Variants in SSBP2 observed in about 807,000 individuals in gnomAD.
The protein encoded by SSBP2 is single-stranded DNA-binding protein 2.
A neutral mutation model predicts 61.8 loss-of-function variants in SSBP2; 17 were observed. The observed-to-expected ratio is 0.28, with a 90% CI of 0.19 to 0.41. The LOEUF is 0.41. Among genes scored for constraint, SSBP2 ranks in the 10% least tolerant of loss-of-function variants. The probability of loss-of-function intolerance (pLI) is 1.00; values close to 1 mark genes in which losing one functional copy is unlikely to be tolerated. For missense variants in SSBP2, 310 were observed against 458.7 expected, an observed-to-expected ratio of 0.68 and a Z score of 2.96; for synonymous variants, 139 against 141.3, an observed-to-expected ratio of 0.98 and a Z score of 0.12.
intron 1 of SSBP2, among the ~76,000 whole-genome samples, chr5:81,650,932 T>C (rs1749673689): frequency 6.6e-6 from 1 of 152,116 alleles, no homozygotes; most frequent in Non-Finnish European, 1.5e-5. Flanking sequence ...TTTAAAGATA[T>C]CAGATCATAT....
intron 4 of SSBP2, among the ~76,000 whole-genome samples, chr5:81,590,651 G>A (rs2153514405): frequency 6.6e-6 from 1 of 152,362 alleles, no homozygotes; most frequent in South Asian, 2.1e-4. Flanking sequence ...AAGAAAAACT[G>A]TTGGACAACA....
At chr5:81,592,060 G>T (rs952210685) in intron 4 of SSBP2, among the ~76,000 whole-genome samples, 2 of 152,244 alleles carry the variant, frequency 1.3e-5, no homozygotes, top group Admixed American at 6.5e-5. Context: ...GGAAGCGCAA[G>T]GGGTCAGGGA....
At chr5:81,497,080 T>A (rs1427718010) in intron 5 of SSBP2, among the ~76,000 whole-genome samples, 2 of 152,198 alleles carry the variant, frequency 1.3e-5, no homozygotes, top group Non-Finnish European at 2.9e-5. Flanking sequence ...TGCTCTTGAT[T>A]CACCAGACTA....
chr5:81,674,244 CAAG>C (rs931198843), intron 1 of SSBP2, among the ~76,000 whole-genome samples: 5 of 152,054 alleles, frequency 3.3e-5, no homozygotes, highest in Admixed American at 2.6e-4. Flanking sequence ...AGTAAAGGAC[CAAG>C]AAGTGGCAAG....
intron 4 of SSBP2, among the ~76,000 whole-genome samples, chr5:81,568,304 T>G (rs928672936): frequency 5.9e-5 from 9 of 152,192 alleles, no homozygotes; most frequent in Non-Finnish European, 1.2e-4. Flanking sequence ...CCTCAAGAGA[T>G]CTGATGGTTT....
intron 5 of SSBP2, 85 bp from the exon 6 acceptor site, chr5:81,489,394 T>C (rs1766687678): frequency 8.7e-7 from 1 of 1,150,664 alleles, no homozygotes; most frequent in Non-Finnish European, 1.2e-6. Flanking sequence ...CTTAAAAAAT[T>C]TTAGAATTAA....
intron 1 of SSBP2, among the ~76,000 whole-genome samples, chr5:81,718,347 A>G (rs1581412815): frequency 6.6e-6 from 1 of 152,062 alleles, no homozygotes; most frequent in Admixed American, 6.6e-5. Context: ...GCAAAGAAAA[A>G]CCCATTCGAA....
chr5:81,625,472 T>G (rs1363620508), intron 3 of SSBP2, among the ~76,000 whole-genome samples: 1 of 152,146 alleles, frequency 6.6e-6, no homozygotes, highest in Non-Finnish European at 1.5e-5. Flanking sequence ...TCATCATGAA[T>G]AATACTTTAG....
chr5:81,459,560 C>T (rs1764399490), intron 10 of SSBP2, among the ~76,000 whole-genome samples: 1 of 152,188 alleles, frequency 6.6e-6, no homozygotes, highest in Non-Finnish European at 1.5e-5. Flanking sequence ...TAAGGTGAGC[C>T]ATTGGTTGTG....
At chr5:81,551,165 T>A (rs1448401536) in intron 4 of SSBP2, among the ~76,000 whole-genome samples, 2 of 148,702 alleles carry the variant, frequency 1.3e-5, no homozygotes, top group African/African-American at 5.0e-5. Flanking sequence ...TAACTAGGAA[T>A]CAATTGCTTT....
At chr5:81,718,035 T>A (rs1755286159) in intron 1 of SSBP2, among the ~76,000 whole-genome samples, 2 of 152,186 alleles carry the variant, frequency 1.3e-5, no homozygotes, top group Non-Finnish European at 2.9e-5. Context: ...TGTACCGCCC[T>A]TAGGATGCTA....
At chr5:81,480,970 T>G (rs1765940463) in intron 6 of SSBP2, among the ~76,000 whole-genome samples, 2 of 152,232 alleles carry the variant, frequency 1.3e-5, no homozygotes, top group South Asian at 4.1e-4. Flanking sequence ...CCATTTTTGT[T>G]GCTCATCCAT....
Position 81,415,941 on chromosome 5 carries a change from G to GATC in SSBP2, c.*4560_*4562dup, listed in dbSNP as rs1408362112. On this transcript the variant is annotated 3_prime_UTR_variant, in exon 17 of 17. Coordinates refer to ENST00000320672, the MANE Select transcript of SSBP2 (RefSeq NM_012446.5). ...AAAAAAAAAAAAAAGAGGAAAACCT[G>GATC]ATCAAGCATAGTGGCTCATGCCTGT... 3.3e-4 allele frequency: 31 copies of GATC among 95,108 alleles called. No individual in the cohort carries two copies. The highest frequency in any genetic ancestry group is 2.1e-3 in the African/African-American group (31 of 14,948). 5.9% of individuals were successfully genotyped at this position (95,108 alleles called of 1,614,324 possible).
At chr5:81,568,559 G>C (rs1232417404) in intron 4 of SSBP2, among the ~76,000 whole-genome samples, 1 of 152,154 alleles carries the variant, frequency 6.6e-6, no homozygotes, top group Admixed American at 6.5e-5. Context: ...ATGAGAGTAA[G>C]ACAACTTTAC....
chr5:81,562,432 GAT>G (rs1773119482), intron 4 of SSBP2, among the ~76,000 whole-genome samples: 3 of 152,070 alleles, frequency 2.0e-5, no homozygotes. Flanking sequence ...CTTTATAAGA[GAT>G]AATTAGGTTG....
chr5:81,644,220 C>T (rs2153694951), intron 2 of SSBP2, among the ~76,000 whole-genome samples: 1 of 152,256 alleles, frequency 6.6e-6, no homozygotes, highest in South Asian at 2.1e-4. Flanking sequence ...AGAAGTCTTC[C>T]TAAAGAGGAC....
chr5:81,518,526 C>G (rs969640801), intron 4 of SSBP2, among the ~76,000 whole-genome samples: 1 of 152,024 alleles, frequency 6.6e-6, no homozygotes, highest in Non-Finnish European at 1.5e-5. Context: ...GATGCTGGTG[C>G]CTTAATCTTG....
intron 1 of SSBP2, among the ~76,000 whole-genome samples, chr5:81,740,549 G>A (rs1362738656): frequency 2.6e-5 from 4 of 152,090 alleles, no homozygotes; most frequent in Admixed American, 6.5e-5. Context: ...TGTATCACAC[G>A]GAGCTTCTCA....
At chr5:81,520,964 T>A (rs564387645) in intron 4 of SSBP2, among the ~76,000 whole-genome samples, 8 of 152,112 alleles carry the variant, frequency 5.3e-5, no homozygotes, top group Non-Finnish European at 1.0e-4. Context: ...TTGTCCAAAA[T>A]TAATATTGCA....
Sources: gnomAD v4.1 joint callset for allele counts (sites outside exome capture counted in the v4.1 genomes callset) on GRCh38, gnomAD v4.1.1 for gene constraint, MANE v1.5 for transcripts, NCBI Gene and HGNC (gene_info 2026-07-23, HGNC 2026-07-21) for gene names.